The following AGBL1 variants were observed in gnomAD, a reference collection of about 807,000 sequenced individuals.
AGBL1 encodes the protein cytosolic carboxypeptidase 4.
AGBL1 carries 130 observed loss-of-function variants against 118.9 expected under a neutral mutation model. The observed-to-expected ratio is 1.09, with a 90% confidence interval of 0.95 to 1.26. AGBL1 has a LOEUF of 1.26. Among genes scored for constraint, AGBL1 ranks in the 50% most tolerant of loss-of-function variants. The pLI is 0.00. For missense variants in AGBL1, 1,584 were observed against 1,298.1 expected, an observed-to-expected ratio of 1.22 and a Z score of -3.38; for synonymous variants, 555 against 478.9, an observed-to-expected ratio of 1.16 and a Z score of -2.08.
intron 22 of AGBL1, among the ~76,000 whole-genome samples, chr15:86,881,868 C>G (rs2079896550): frequency 1.3e-5 from 2 of 152,070 alleles, no homozygotes; most frequent in Admixed American, 1.3e-4. Flanking sequence ...TTTAAATAAA[C>G]AGATCTCATG....
At chr15:86,602,928 TA>T in intron 21 of AGBL1, among the ~76,000 whole-genome samples, 1 of 152,290 alleles carries the variant, frequency 6.6e-6, no homozygotes, top group Non-Finnish European at 1.5e-5. Flanking sequence ...TCATTCATAA[TA>T]GTGACACCTC....
downstream of AGBL1, among the ~76,000 whole-genome samples, chr15:86,918,735 G>A (rs2080455323): frequency 1.3e-5 from 2 of 152,196 alleles, no homozygotes; most frequent in African/African-American, 2.4e-5. Flanking sequence ...TTGATGATGT[G>A]TATGGGAAAT....
intron 7 of AGBL1, among the ~76,000 whole-genome samples, chr15:86,248,644 T>C (rs934326902): frequency 6.6e-6 from 1 of 152,206 alleles, no homozygotes; most frequent in Admixed American, 6.5e-5. Context: ...AACTGCGTTG[T>C]GAGGATGAGC....
intron 18 of AGBL1, among the ~76,000 whole-genome samples, chr15:86,418,481 T>A (rs2081734172): frequency 6.6e-6 from 1 of 152,220 alleles, no homozygotes; most frequent in African/African-American, 2.4e-5. Context: ...TGCTGGTTTT[T>A]ATGAGTTCTA....
chr15:86,387,462 G>C (rs768027684), intron 17 of AGBL1, among the ~76,000 whole-genome samples: 1 of 152,088 alleles, frequency 6.6e-6, no homozygotes, highest in African/African-American at 2.4e-5. Context: ...CTTATATGCT[G>C]CTGTGTGGCT....
chr15:86,571,765 A>T (rs1354353615), intron 21 of AGBL1, among the ~76,000 whole-genome samples: 1 of 152,182 alleles, frequency 6.6e-6, no homozygotes, highest in Non-Finnish European at 1.5e-5. Flanking sequence ...GGGTGGGCCC[A>T]GGCAAAAGCA....
At chr15:86,952,336 T>C (rs931200410) in intron 23 of AGBL1, among the ~76,000 whole-genome samples, 7 of 152,188 alleles carry the variant, frequency 4.6e-5, no homozygotes, top group African/African-American at 1.7e-4. Flanking sequence ...TATTTGCTTA[T>C]TTATATTTAA....
chr15:87,026,572 A>G (rs1417465429), intron 24 of AGBL1, among the ~76,000 whole-genome samples: 1 of 152,098 alleles, frequency 6.6e-6, no homozygotes, highest in Middle Eastern at 3.2e-3. Context: ...TACAATCACT[A>G]TGAACAACAG....
In AGBL1 at chr15:86,254,158, A is replaced by G. The variant is rs142642877; in HGVS notation, c.736-2695A>G. On this transcript the variant is annotated intron_variant, in intron 7 of 22. Transcript: ENST00000614907. ...TTACTAGGACTCTGCTCTGCGTAGC[A>G]GTGACTCCTAGTATTCTCTTGCAGA... Among the ~76,000 whole-genome samples the G allele has an allele frequency of 4.0e-3, 603 of 152,364 alleles. 5 individuals carry two copies. Among genetic ancestry groups the G allele is most frequent in the African/African-American group, 0.014 (577 of 41,586 alleles).
rs73453501 is a variant in AGBL1 at position 86,386,481 on chromosome 15, G to A, written c.2375-10885G>A. 8.8e-3 allele frequency among the ~76,000 whole-genome samples: 1,328 copies of A among 150,748 alleles called. 21 individuals carry two copies. The highest frequency in any genetic ancestry group is 0.03 in the African/African-American group (1,223 of 40,928). On this transcript the variant is annotated intron_variant, in intron 17 of 22. Transcript: ENST00000614907. ...TTGACTGTGGTATGGAAAATTATAT[G>A]GAATGGAGCAAAATTACAAATGAGA...
rs144574115 is a variant in AGBL1, at chr15:86,157,798, C to T, written c.395-1135C>T. ...ATGGGTCTGTGAGAGCCAATGAACC[C>T]TTTGGAAGTTCTCAGATGGCCAATG... On this transcript the variant is annotated intron_variant, in intron 4 of 22. Coordinates refer to ENST00000614907, the MANE Select transcript of AGBL1 (RefSeq NM_001386094.1). 6.6e-5 allele frequency among the ~76,000 whole-genome samples: 10 copies of T among 152,254 alleles called. No individual in the cohort carries two copies. The East Asian group carries it at 1.9e-3, about 29-fold the overall frequency.
chr15:86,788,079 A>G lies in AGBL1; in HGVS notation c.3158+113643A>G, dbSNP rs114627438. Reference sequence around the variant, plus strand: ...TAAAGTAGAAGGATGAGGAAATGGGAGATGCTGGCCAGTTGCTAAGGCCGG... The same window carrying G: ...TAAAGTAGAAGGATGAGGAAATGGGGGATGCTGGCCAGTTGCTAAGGCCGG... On this transcript the variant is annotated intron_variant, in intron 22 of 22. Transcript: ENST00000614907. Among the ~76,000 whole-genome samples the G allele has an allele frequency of 3.1e-3, 477 of 152,232 alleles. 3 individuals are homozygous for G. The highest frequency in any genetic ancestry group is 0.011 in the African/African-American group (446 of 41,554).
rs186190911 is a variant in AGBL1 at position 86,330,808 on chromosome 15, T to A, written c.2374+35400T>A. Among the ~76,000 whole-genome samples, 897 of 152,134 alleles carry A rather than the reference T, an allele frequency of 5.9e-3. 4 individuals are homozygous for A. The highest frequency in any genetic ancestry group is 8.9e-3 in the Non-Finnish European group (604 of 67,990). On this transcript the variant is annotated intron_variant, in intron 17 of 22. Transcript: ENST00000614907. ...AGAGTTTCTGGAATTGGAAAAAAAATTGAAATATTTCAAAATACAATTGAA... is the reference window on the plus strand; with the variant it reads ...AGAGTTTCTGGAATTGGAAAAAAAAATGAAATATTTCAAAATACAATTGAA...
intron 23 of AGBL1, among the ~76,000 whole-genome samples, chr15:86,940,498 A>G (rs377012467): frequency 6.6e-6 from 1 of 152,156 alleles, no homozygotes; most frequent in East Asian, 1.9e-4. Context: ...TATAATGTTG[A>G]CCACTAAGCC....
intron 17 of AGBL1, among the ~76,000 whole-genome samples, chr15:86,340,879 A>G (rs1244053819): frequency 6.6e-6 from 1 of 152,092 alleles, no homozygotes; most frequent in Non-Finnish European, 1.5e-5. Flanking sequence ...CTAAGCCTGC[A>G]TTGGTACCAC....
At chr15:86,823,168 A>G (rs2078964830) in intron 22 of AGBL1, among the ~76,000 whole-genome samples, 1 of 152,150 alleles carries the variant, frequency 6.6e-6, no homozygotes, top group Admixed American at 6.6e-5. Context: ...TTCTGTAACT[A>G]TAAGGCATAC....
chr15:86,248,778 A>G (rs1312385668), intron 7 of AGBL1, among the ~76,000 whole-genome samples: 2 of 152,224 alleles, frequency 1.3e-5, no homozygotes, highest in African/African-American at 4.8e-5. Context: ...CCAATGAGGA[A>G]GATAATTTCA....
chr15:86,132,340 G>A (rs1464261781), intron 1 of AGBL1, among the ~76,000 whole-genome samples: 4 of 152,192 alleles, frequency 2.6e-5, no homozygotes, highest in African/African-American at 9.7e-5. Context: ...TGTTTTGGAG[G>A]TGGTGGATTC....
chr15:86,825,290 T>C (rs1282563858), intron 22 of AGBL1, among the ~76,000 whole-genome samples: 1 of 144,900 alleles, frequency 6.9e-6, no homozygotes, highest in Non-Finnish European at 1.5e-5. Context: ...GCATGATCCA[T>C]AAAAGGAGAA....
Sources: gnomAD v4.1 joint callset for allele counts (sites outside exome capture counted in the v4.1 genomes callset) on GRCh38, gnomAD v4.1.1 for gene constraint, MANE v1.5 for transcripts, NCBI Gene and HGNC (gene_info 2026-07-23, HGNC 2026-07-21) for gene names.